Variants in ZNF732 observed in about 807,000 individuals in gnomAD.
The protein encoded by ZNF732 is zinc finger protein LOC654254.
In ZNF732, 12 loss-of-function variants were observed where a neutral mutation model predicts 11.5. The observed-to-expected ratio is 1.05, with a 90% CI of 0.67 to 1.70. The LOEUF is 1.70. ZNF732 is among the 40% of genes most tolerant of loss of function. The probability of loss-of-function intolerance (pLI) is 0.00; values close to 1 mark genes in which losing one functional copy is unlikely to be tolerated. For synonymous variants in ZNF732, 231 were observed against 236.5 expected, an observed-to-expected ratio of 0.98 and a Z score of 0.21; for missense variants, 702 against 676.9, an observed-to-expected ratio of 1.04 and a Z score of -0.41.
In ZNF732 at chr4:271,126, A is replaced by G. The variant is rs1364929102; in HGVS notation, c.1731T>C (p.Asn577=). The G allele has an allele frequency of 1.3e-6, 2 of 1,514,406 alleles. No individual in the cohort carries two copies. The highest frequency in any genetic ancestry group is 1.8e-6 in the Non-Finnish European group (2 of 1,133,516). The allele number at this position is 1,514,406 out of a possible 1,614,324, so 93.8% of individuals were successfully genotyped here. A position where few individuals can be genotyped will look rare whatever the true frequency, so the allele number is the denominator to read the frequency against. The change falls in exon 4 of 4, where the codon AAT becomes AAC. Residue 577 remains asparagine, a synonymous_variant. Transcript: ENST00000419098. ...AGAGTTTCTCTCCAGTATAAATTTT[A>G]TTATGTTGATTAAGGTATGAGGACC... The part of the protein sequence containing the change: ...FKWSSYLNQH[N]KIYTGEKL
At chr4:276,923 TA>T in intron 3 of ZNF732, among the ~76,000 whole-genome samples, 1 of 151,430 alleles carries the variant, frequency 6.6e-6, no homozygotes, top group East Asian at 1.9e-4. Flanking sequence ...ACTATAAAGC[TA>T]TAATAAGCAA....
At chr4:298,886 A>C (rs1720019420) in intron 1 of ZNF732, among the ~76,000 whole-genome samples, 2 of 152,106 alleles carry the variant, frequency 1.3e-5, no homozygotes, top group African/African-American at 4.8e-5. Flanking sequence ...GTGCTTTTTT[A>C]CACTTAACAG....
intron 3 of ZNF732, among the ~76,000 whole-genome samples, chr4:273,977 T>C (rs1719442885): frequency 6.6e-6 from 1 of 151,562 alleles, no homozygotes; most frequent in African/African-American, 2.4e-5. Flanking sequence ...AAAAGTATAT[T>C]AGCACAACAC....
chr4:287,718 A>G (rs1719761412), intron 3 of ZNF732, among the ~76,000 whole-genome samples: 1 of 151,770 alleles, frequency 6.6e-6, no homozygotes, highest in South Asian at 2.1e-4. Context: ...ATCTTGGCTC[A>G]CTGCAAGCTC....
chr4:271,948 C>A lies in ZNF732; in HGVS notation c.909G>T (p.Glu303Asp). ...VAKHKKIHTG[E>D]KLYKCQECGK... ...CACATTCCTGACATTTGTAGAGTTT[C>A]TCTCCGGTATGAATTTTCTTATGTT... Residue 303 changes from glutamate (E) to aspartate (D), a missense_variant, in exon 4 of 4, where the codon GAG becomes GAT. Glu to Asp is a conservative substitution (Grantham distance 45). This residue lies in a region of ZNF732 where 596 missense variants were observed against 557.9 expected (regional missense o/e 1.07). Transcript: ENST00000419098. 1 of 1,607,914 alleles carries A rather than the reference C, an allele frequency of 6.2e-7. No individual in the cohort carries two copies. Among genetic ancestry groups the A allele is most frequent in the South Asian group, 1.1e-5 (1 of 90,576 alleles).
rs1396069909 is a variant in ZNF732, at chr4:271,239, T to A, written c.1618A>T (p.Arg540Ter). The change falls in exon 4 of 4, where the codon AGA becomes TGA. Residue 540 changes from arginine to a stop codon, truncating the protein, a stop_gained. Transcript: ENST00000419098. LOFTEE classifies it low-confidence loss of function (END_TRUNC). The stretch of plus-strand genomic sequence containing the variant: ...TATTTATTCAGGACTCTGGAACGTC[T>A]AAATGCTTTGCCACACTCTTCACAT... Reference protein sequence around the residue: ...YRCEECGKAFRRSRVLNKYKT... With the variant: ...YRCEECGKAF 8 of 1,566,122 alleles carry A rather than the reference T, an allele frequency of 5.1e-6. No individual in the cohort carries two copies. In the Admixed American group the frequency reaches 5.8e-5, roughly 11 times the overall value.
rs181096462 is a variant in ZNF732, at chr4:294,308, C to T, written c.226+1130G>A. Among the ~76,000 whole-genome samples, 224 of 152,250 alleles carry T rather than the reference C, an allele frequency of 1.5e-3. 1 individual carries two copies. Among genetic ancestry groups the T allele is most frequent in the African/African-American group, 4.9e-3 (205 of 41,558 alleles). On this transcript the variant is annotated intron_variant, in intron 3 of 3. Transcript: ENST00000419098. The stretch of plus-strand genomic sequence containing the variant: ...AGGCAAGGCACCCAGCCCTAAAATA[C>T]GCTTTCTAAAATGATACGTTGCTTC...
At chr4:284,529 G>A (rs1205184322) in intron 3 of ZNF732, among the ~76,000 whole-genome samples, 2 of 151,912 alleles carry the variant, frequency 1.3e-5, no homozygotes, top group East Asian at 1.9e-4. Context: ...TCAATGTTAG[G>A]ATAATAAAGA....
intron 3 of ZNF732, among the ~76,000 whole-genome samples, chr4:274,583 G>C (rs1402305338): frequency 6.6e-6 from 1 of 151,538 alleles, no homozygotes; most frequent in African/African-American, 2.4e-5. Context: ...TAAGGGGATT[G>C]ACTGCAAAAA....
At chr4:286,764 G>A (rs1486225699) in intron 3 of ZNF732, among the ~76,000 whole-genome samples, 3 of 152,240 alleles carry the variant, frequency 2.0e-5, no homozygotes, top group African/African-American at 7.2e-5. Context: ...GTGTCATAAA[G>A]GTTTGTTGTA....
chr4:279,357 A>G (rs1180825857), intron 3 of ZNF732, among the ~76,000 whole-genome samples: 1 of 151,838 alleles, frequency 6.6e-6, no homozygotes, highest in African/African-American at 2.4e-5. Context: ...GAGGCAGGAG[A>G]ATGGCGTGAA....
rs150624577 is a variant in ZNF732 at position 284,740 on chromosome 4, G to A, written c.226+10698C>T. Among the ~76,000 whole-genome samples, 176 of 151,110 alleles carry A rather than the reference G, an allele frequency of 1.2e-3. 1 individual carries two copies. The highest frequency in any genetic ancestry group is 3.4e-3 in the African/African-American group (142 of 41,290). ...ACAAAAATTCGCCGGGCGTGGTGGC[G>A]GGCACTTGTAAACCCAGCTACTCGG... On this transcript the variant is annotated intron_variant, in intron 3 of 3. Coordinates refer to ENST00000419098, the MANE Select transcript of ZNF732 (RefSeq NM_001137608.3).
At chr4:297,923 T>C (rs1321180100) in intron 1 of ZNF732, among the ~76,000 whole-genome samples, 1 of 152,168 alleles carries the variant, frequency 6.6e-6, no homozygotes, top group African/African-American at 2.4e-5. Flanking sequence ...CCTAGACTTC[T>C]GTTCTCTATG....
chr4:281,649 C>T (rs1719623535), intron 3 of ZNF732, among the ~76,000 whole-genome samples: 1 of 152,186 alleles, frequency 6.6e-6, no homozygotes, highest in Admixed American at 6.5e-5. Flanking sequence ...TTCCAAAGCA[C>T]TTTATTGCAA....
chr4:282,544 C>CA (rs1719638893), intron 3 of ZNF732, among the ~76,000 whole-genome samples: 1 of 151,740 alleles, frequency 6.6e-6, no homozygotes, highest in African/African-American at 2.4e-5. Context: ...CAAAAAATAC[C>CA]AAAAAAATTA....
chr4:279,542 G>A (rs1719575511), intron 3 of ZNF732, among the ~76,000 whole-genome samples: 1 of 151,872 alleles, frequency 6.6e-6, no homozygotes, highest in Admixed American at 6.6e-5. Flanking sequence ...GTAAAATGGT[G>A]TTCTTCAGGA....
rs1553837704 is a variant in ZNF732, at chr4:271,977, C to G, written c.880G>C (p.Ala294Pro). 1 of 1,605,672 alleles carries G rather than the reference C, an allele frequency of 6.2e-7. No homozygotes were observed. Among genetic ancestry groups the G allele is most frequent in the East Asian group, 2.2e-5 (1 of 44,602 alleles). The change falls in exon 4 of 4, where the codon GCC becomes CCC. Residue 294 changes from alanine (A) to proline (P), a missense_variant. This residue lies in a region of ZNF732 where 596 missense variants were observed against 557.9 expected (regional missense o/e 1.07). Transcript: ENST00000419098. ...CCGGTATGAATTTTCTTATGTTTGG[C>G]AACATTTGAGGATGAGGTAATGATT... ...GKIITSSSNV[A>P]KHKKIHTGEK... is the part of the protein sequence containing the mutation.
At chr4:299,587 TAA>T (rs1259053995) in intron 1 of ZNF732, among the ~76,000 whole-genome samples, 3 of 139,758 alleles carry the variant, frequency 2.1e-5, no homozygotes, top group African/African-American at 8.1e-5. Flanking sequence ...AATTTATATA[TAA>T]ATATATATTT....
Position 272,312 on chromosome 4 carries a change from A to G in ZNF732, c.545T>C (p.Leu182Pro). 6.2e-7 allele frequency: 1 copy of G among 1,612,630 alleles called. No individual in the cohort carries two copies. Among genetic ancestry groups the G allele is most frequent in the Non-Finnish European group, 8.5e-7 (1 of 1,179,118 alleles). The change falls in exon 4 of 4, where the codon CTA (leucine) becomes CCA (proline). Residue 182 changes from leucine (L) to proline (P), a missense_variant. Around this residue, in one of 3 missense-constraint regions of ZNF732, gnomAD observed 596 missense variants for 557.9 expected, o/e 1.07. Coordinates refer to ENST00000419098, the MANE Select transcript of ZNF732 (RefSeq NM_001137608.3). The part of the protein sequence containing the change: ...CGKSFQKFSD[L>P]TQHQGIHAGE... ...AGCATGAATTCCTTGATGTTGAGTTAGGTCTGAGAACTTCTGAAATGACTT... is the reference window on the plus strand; with the variant it reads ...AGCATGAATTCCTTGATGTTGAGTTGGGTCTGAGAACTTCTGAAATGACTT...
Sources: allele counts gnomAD v4.1 joint callset (sites outside exome capture counted in the v4.1 genomes callset), GRCh38; gene constraint gnomAD v4.1.1; regional missense constraint gnomAD v4.1.1; transcripts MANE v1.5; gene names NCBI Gene and HGNC (gene_info 2026-07-23, HGNC 2026-07-21).